The following DOCK3 variants were observed in gnomAD, a reference collection of about 807,000 sequenced individuals.
DOCK3 encodes the protein dedicator of cytokinesis protein 3.
Under a neutral mutation model 265.6 loss-of-function variants are expected in DOCK3, and 60 were observed. The ratio of observed to expected loss-of-function variants is 0.23; its 90% CI spans 0.18 to 0.28. The LOEUF (loss-of-function observed/expected upper bound fraction) is 0.28. Among genes scored for constraint, DOCK3 ranks in the 10% least tolerant of loss-of-function variants. DOCK3 has a pLI of 1.00. For synonymous variants in DOCK3, 881 were observed against 938.0 expected (o/e 0.94, Z 1.11); for missense variants, 1,981 against 2,594.3 (o/e 0.76, Z 5.14).
At chr3:51,285,417 G>A (rs1056955289) in intron 27 of DOCK3, among the ~76,000 whole-genome samples, 5 of 151,992 alleles carry the variant, frequency 3.3e-5, no homozygotes, top group Non-Finnish European at 4.4e-5. Context: ...GATGCTCACT[G>A]AGGTCGGGAG....
chr3:50,881,674 A>C lies in DOCK3; in HGVS notation c.163-8352A>C, dbSNP rs982227007. Among the ~76,000 whole-genome samples the C allele has an allele frequency of 3.9e-5, 6 of 152,356 alleles. No homozygotes were observed. The East Asian group carries it at 5.8e-4, about 15-fold the overall frequency. ...ATGGGTAGGAAGAATCAATATCGTG[A>C]AAATGGCCATACTGCCCAAGGTAAT... On this transcript the variant is annotated intron_variant, in intron 3 of 52. Coordinates refer to ENST00000266037, the MANE Select transcript of DOCK3 (RefSeq NM_004947.5).
chr3:50,972,910 A>G (rs553530955), intron 5 of DOCK3, among the ~76,000 whole-genome samples: 247 of 150,128 alleles, frequency 1.6e-3, no homozygotes, highest in Non-Finnish European at 3.0e-3. Context: ...TTAATTCCAT[A>G]CAAGTTTTAG....
chr3:51,246,788 A>G lies in DOCK3; in HGVS notation c.2165A>G (p.His722Arg). The change falls in exon 22 of 53, where the codon CAC becomes CGC. Residue 722 changes from histidine to arginine, a missense_variant. This residue lies in a region of DOCK3 where 1,357 missense variants were observed against 1,866.8 expected (regional missense o/e 0.73). Transcript: ENST00000266037. ...DCSAELIRQD[H>R]IQEAMRALEY... ...TCAGCAGAACTGATTCGACAGGACC[A>G]CATTCAAGAAGCTATGCGGGTAATG... 1 of 1,613,394 alleles carries G rather than the reference A, an allele frequency of 6.2e-7. No individual in the cohort carries two copies. Among genetic ancestry groups the G allele is most frequent in the Non-Finnish European group, 8.5e-7 (1 of 1,179,672 alleles).
intron 5 of DOCK3, among the ~76,000 whole-genome samples, chr3:50,987,676 A>ACAATT (rs1372810550): frequency 6.6e-6 from 1 of 152,196 alleles, no homozygotes; most frequent in Admixed American, 6.5e-5. Context: ...AATCAAGGAA[A>ACAATT]CAATTTGACG....
intron 9 of DOCK3, among the ~76,000 whole-genome samples, chr3:51,133,931 C>G (rs1169355257): frequency 1.3e-5 from 2 of 152,166 alleles, no homozygotes; most frequent in Non-Finnish European, 2.9e-5. Flanking sequence ...CTCCCTCCTC[C>G]CACCCTCACC....
intron 3 of DOCK3, chr3:50,863,525 G>A: frequency 2.0e-6 from 1 of 489,854 alleles, no homozygotes; most frequent in Middle Eastern, 3.3e-4. Context: ...AGTTTTCCAG[G>A]GGTCGATCTT....
chr3:50,893,945 G>C (rs2048766067), intron 4 of DOCK3, among the ~76,000 whole-genome samples: 1 of 142,076 alleles, frequency 7.0e-6, no homozygotes, highest in South Asian at 2.4e-4. Flanking sequence ...GACACAGGAA[G>C]GGGAACATCA....
At chr3:51,018,562 A>T (rs1205040544) in intron 5 of DOCK3, among the ~76,000 whole-genome samples, 4 of 151,694 alleles carry the variant, frequency 2.6e-5, no homozygotes, top group African/African-American at 9.7e-5. Context: ...GATTTTGTTC[A>T]GATTTTGAAG....
chr3:50,769,028 C>T (rs1241750205), intron 1 of DOCK3, among the ~76,000 whole-genome samples: 1 of 151,278 alleles, frequency 6.6e-6, no homozygotes, highest in Non-Finnish European at 1.5e-5. Flanking sequence ...TTTCATATAC[C>T]TGTTCATCAC....
chr3:50,841,744 T>TTTTTTTTTTTTTTTTTTTTTGAGACGG (rs778935832), intron 3 of DOCK3, 29 bp downstream of exon 3: 2 of 521,646 alleles, frequency 3.8e-6, no homozygotes, highest in African/African-American at 1.8e-5. Flanking sequence ...TTACCTTTTC[T>TTTTTTTTTTTTTTTTTTTTTGAGACGG]AATGTAGGAA....
chr3:50,949,302 G>A (rs1341958518), intron 5 of DOCK3, among the ~76,000 whole-genome samples: 1 of 152,108 alleles, frequency 6.6e-6, no homozygotes, highest in African/African-American at 2.4e-5. Flanking sequence ...TTGACTCTTA[G>A]AATTCAATAA....
At position 51,357,951 on chromosome 3, in the gene DOCK3, ACT is replaced by A; in HGVS notation, c.4768-7_4768-6del. The A allele has an allele frequency of 6.2e-7, 1 of 1,613,836 alleles. No individual in the cohort carries two copies. Among genetic ancestry groups the A allele is most frequent in the Non-Finnish European group, 8.5e-7 (1 of 1,179,822 alleles). On this transcript the variant is annotated splice_polypyrimidine_tract_variant and splice_region_variant and intron_variant, in intron 45 of 52. Coordinates refer to ENST00000266037, the MANE Select transcript of DOCK3 (RefSeq NM_004947.5). Reference sequence around the variant, plus strand: ...GGTTCACAGAGTGGCCTTGTTTGTGACTCTGATAGGTTCATGTCCTTGGAGTT... The same window carrying A: ...GGTTCACAGAGTGGCCTTGTTTGTGACTGATAGGTTCATGTCCTTGGAGTT...
At chr3:51,235,564 A>G (rs1295913011) in intron 19 of DOCK3, among the ~76,000 whole-genome samples, 1 of 152,198 alleles carries the variant, frequency 6.6e-6, no homozygotes, top group Non-Finnish European at 1.5e-5. Context: ...CCCAAAGACC[A>G]TTAACCCATG....
intron 10 of DOCK3, among the ~76,000 whole-genome samples, chr3:51,148,963 TC>T (rs1253565260): frequency 6.6e-6 from 1 of 152,242 alleles, no homozygotes; most frequent in African/African-American, 2.4e-5. Context: ...TACTGATTCT[TC>T]CTATCCATGA....
intron 3 of DOCK3, among the ~76,000 whole-genome samples, chr3:50,854,826 A>G (rs1437535711): frequency 6.6e-6 from 1 of 151,930 alleles, no homozygotes; most frequent in African/African-American, 2.4e-5. Flanking sequence ...AGAGAGATCT[A>G]TTCAGTATCA....
intron 9 of DOCK3, among the ~76,000 whole-genome samples, chr3:51,120,520 G>C (rs553471348): frequency 1.3e-5 from 2 of 152,334 alleles, no homozygotes; most frequent in East Asian, 3.9e-4. Flanking sequence ...GCTCTCTGCA[G>C]AGCTGGCAGG....
intron 35 of DOCK3, among the ~76,000 whole-genome samples, chr3:51,334,326 C>T (rs2084724796): frequency 6.6e-6 from 1 of 152,130 alleles, no homozygotes; most frequent in Non-Finnish European, 1.5e-5. Flanking sequence ...ATAAATGAAA[C>T]CCAGCTCCAA....
chr3:50,886,121 G>C (rs2048317962), intron 3 of DOCK3, among the ~76,000 whole-genome samples: 1 of 150,948 alleles, frequency 6.6e-6, no homozygotes, highest in Non-Finnish European at 1.5e-5. Flanking sequence ...GTTATTTTGT[G>C]TCTCCCACAT....
intron 24 of DOCK3, among the ~76,000 whole-genome samples, chr3:51,272,103 T>G (rs544545087): frequency 6.6e-6 from 1 of 152,330 alleles, no homozygotes; most frequent in Admixed American, 6.5e-5. Context: ...AAGTTCTGCC[T>G]TGCAGGGACA....
Sources: allele counts gnomAD v4.1 joint callset (sites outside exome capture counted in the v4.1 genomes callset), GRCh38; gene constraint gnomAD v4.1.1; regional missense constraint gnomAD v4.1.1; transcripts MANE v1.5; gene names NCBI Gene and HGNC (gene_info 2026-07-23, HGNC 2026-07-21).